ITGB5: variants seen among roughly 807,000 people sequenced by gnomAD.
ITGB5 encodes the protein integrin subunit beta 5.
ITGB5 carries 38 observed loss-of-function variants against 84.8 expected under a neutral mutation model. The ratio of observed to expected loss-of-function variants is 0.45; its 90% CI spans 0.35 to 0.59. ITGB5 has a LOEUF of 0.59. Ranked by LOEUF, ITGB5 falls within the 20% of genes least tolerant of loss-of-function variation. ITGB5 has a pLI of 0.01. For synonymous variants in ITGB5, 393 were observed against 414.4 expected (o/e 0.95, Z 0.63); for missense variants, 905 against 1,034.5 (o/e 0.87, Z 1.72).
In ITGB5 at chr3:124,796,467, G is replaced by T; in HGVS notation, c.1614C>A (p.Ser538Arg). 1 of 1,614,018 alleles carries T rather than the reference G, an allele frequency of 6.2e-7. No homozygotes were observed. The highest frequency in any genetic ancestry group is 8.5e-7 in the Non-Finnish European group (1 of 1,180,024). Residue 538 changes from serine (S) to arginine (R), a missense_variant, in exon 10 of 15, where the codon AGC becomes AGA. Transcript: ENST00000296181. The part of the protein sequence containing the change: ...CSCNQCSCFE[S>R]EFGKIYGPFC... ...AAGGCCCATAGATCTTGCCAAACTC[G>T]CTCTCGAAGCAGGAGCACTGGTTGC...
chr3:124,775,951 C>T (rs2150939815), intron 10 of ITGB5, among the ~76,000 whole-genome samples: 1 of 152,370 alleles, frequency 6.6e-6, no homozygotes, highest in Admixed American at 6.5e-5. Flanking sequence ...CAGACAGCCT[C>T]TCTGCTTACC....
intron 12 of ITGB5, among the ~76,000 whole-genome samples, chr3:124,767,748 G>A (rs1418891425): frequency 6.6e-6 from 1 of 152,304 alleles, no homozygotes; most frequent in African/African-American, 2.4e-5. Context: ...GGCGCTCAAC[G>A]AATATGTGCT....
upstream of ITGB5, among the ~76,000 whole-genome samples, chr3:124,889,372 G>A (rs1029041562): frequency 1.1e-4 from 16 of 152,126 alleles, no homozygotes; most frequent in African/African-American, 3.9e-4. Flanking sequence ...AAGTTGTCCT[G>A]CCTTACAAAA....
chr3:124,794,768 C>T (rs558916892), intron 10 of ITGB5, among the ~76,000 whole-genome samples: 8 of 140,382 alleles, frequency 5.7e-5, no homozygotes, highest in Admixed American at 3.0e-4. Context: ...GGCAACAGAG[C>T]GAGACTTCAT....
At chr3:124,881,566 T>G (rs1296963474) in intron 1 of ITGB5, among the ~76,000 whole-genome samples, 1 of 152,168 alleles carries the variant, frequency 6.6e-6, no homozygotes, top group Non-Finnish European at 1.5e-5. Context: ...GTTCTGTCAC[T>G]TATTGGTTAT....
At chr3:124,894,942 C>T (rs960535037) in intron 1 of ITGB5, among the ~76,000 whole-genome samples, 1 of 152,062 alleles carries the variant, frequency 6.6e-6, no homozygotes, top group African/African-American at 2.4e-5. Context: ...CCCCCTCCCC[C>T]CCAAATCTTA....
At chr3:124,822,409 A>G (rs2064720838) in intron 5 of ITGB5, among the ~76,000 whole-genome samples, 1 of 152,222 alleles carries the variant, frequency 6.6e-6, no homozygotes, top group South Asian at 2.1e-4. Context: ...CTGAAATAGG[A>G]GACTGGATTC....
At position 124,796,616 on chromosome 3, in the gene ITGB5, A is replaced by AC; in HGVS notation, c.1464dup (p.Cys489ValfsTer61). ...CTGGTGCCCAGGTAGCCGGGGCTGC[A>AC]CTCACACAGGCCGCAGACATAGGTC... is the stretch of plus-strand genomic sequence containing the variant. On this transcript the variant is annotated frameshift_variant, in exon 10 of 15. Transcript: ENST00000296181. LOFTEE classifies it high-confidence loss of function. 6.2e-7 allele frequency: 1 copy of AC among 1,614,058 alleles called. No individual in the cohort carries two copies. The highest frequency in any genetic ancestry group is 1.1e-5 in the South Asian group (1 of 91,066).
At chr3:124,824,047 A>C (rs1258831414) in intron 5 of ITGB5, among the ~76,000 whole-genome samples, 1 of 152,250 alleles carries the variant, frequency 6.6e-6, no homozygotes. Flanking sequence ...AATCACAATC[A>C]AAAGCCTAGA....
chr3:124,893,826 C>T (rs539658917), intron 1 of ITGB5, among the ~76,000 whole-genome samples: 141 of 152,178 alleles, frequency 9.3e-4, no homozygotes, highest in African/African-American at 2.7e-3. Context: ...AAACAAGTCT[C>T]GACAGAAATT....
rs552717593 is a variant in ITGB5 at position 124,789,059 on chromosome 3, G to A, written c.1693+7329C>T. Among the ~76,000 whole-genome samples, 10 of 152,280 alleles carry A rather than the reference G, an allele frequency of 6.6e-5. No individual in the cohort carries two copies. The South Asian group carries it at 1.9e-3, about 28-fold the overall frequency. On this transcript the variant is annotated intron_variant, in intron 10 of 14. Coordinates refer to ENST00000296181, the MANE Select transcript of ITGB5 (RefSeq NM_002213.5). ...AAAACAAACAAAAGGTACTTTTGGA[G>A]ACCTCTGTCATGGAAGTCACCTTCA...
intron 5 of ITGB5, among the ~76,000 whole-genome samples, chr3:124,838,944 T>C (rs1176663030): frequency 6.6e-6 from 1 of 152,226 alleles, no homozygotes; most frequent in African/African-American, 2.4e-5. Context: ...TTGCGTAGTC[T>C]TTCATCCAAA....
chr3:124,795,323 T>C (rs1203438241), intron 10 of ITGB5, among the ~76,000 whole-genome samples: 1 of 152,020 alleles, frequency 6.6e-6, no homozygotes, highest in Non-Finnish European at 1.5e-5. Flanking sequence ...ACCCCGTCTC[T>C]ACTAAAAATA....
At chr3:124,795,914 T>C (rs1266545238) in intron 10 of ITGB5, among the ~76,000 whole-genome samples, 1 of 152,254 alleles carries the variant, frequency 6.6e-6, no homozygotes, top group Non-Finnish European at 1.5e-5. Flanking sequence ...TTCAGACTTC[T>C]GGCCTCCAGA....
rs376424756 is a variant in ITGB5 at position 124,807,920 on chromosome 3, C to T, written c.1263+1102G>A. Among the ~76,000 whole-genome samples, 6 of 115,736 alleles carry T rather than the reference C, an allele frequency of 5.2e-5. No individual in the cohort carries two copies. The South Asian group carries it at 1.5e-3, about 29-fold the overall frequency. 75.9% of individuals were successfully genotyped at this position (115,736 alleles called of 152,430 possible). A position where few individuals can be genotyped will look rare whatever the true frequency, so the allele number is the denominator to read the frequency against. On this transcript the variant is annotated intron_variant, in intron 9 of 14. Coordinates refer to ENST00000296181, the MANE Select transcript of ITGB5 (RefSeq NM_002213.5). ...TCGTGCCACTGCACTCCAGCCTGGG[C>T]GACAGAGCGAGACTTCATCTCAAAA...
chr3:124,879,080 G>A (rs1467248506), intron 1 of ITGB5, among the ~76,000 whole-genome samples: 1 of 152,162 alleles, frequency 6.6e-6, no homozygotes, highest in African/African-American at 2.4e-5. Context: ...CATTCAAGGA[G>A]CCACCGCATC....
upstream of ITGB5, among the ~76,000 whole-genome samples, chr3:124,891,971 G>C (rs1935011020): frequency 6.6e-6 from 1 of 151,418 alleles, no homozygotes; most frequent in South Asian, 2.1e-4. Flanking sequence ...GAGGGAGGGA[G>C]TGAGGAAGAG....
intron 5 of ITGB5, among the ~76,000 whole-genome samples, chr3:124,839,208 C>G (rs1259909148): frequency 6.6e-6 from 1 of 152,226 alleles, no homozygotes; most frequent in African/African-American, 2.4e-5. Context: ...GAATAAAGAG[C>G]AAATTTCAAC....
chr3:124,803,348 C>T (rs986838203), intron 9 of ITGB5, among the ~76,000 whole-genome samples: 4 of 152,070 alleles, frequency 2.6e-5, no homozygotes, highest in African/African-American at 7.2e-5. Flanking sequence ...GCTTCTGGCA[C>T]GCTTCTCAGG....
Sources: gnomAD v4.1 joint callset for allele counts (sites outside exome capture counted in the v4.1 genomes callset) on GRCh38, gnomAD v4.1.1 for gene constraint, MANE v1.5 for transcripts, NCBI Gene and HGNC (gene_info 2026-07-23, HGNC 2026-07-21) for gene names.